Variants in SUPT3H observed in about 807,000 individuals in gnomAD.
SUPT3H encodes the protein transcription initiation protein SPT3 homolog.
Under a neutral mutation model 44.3 loss-of-function variants are expected in SUPT3H, and 44 were observed. The observed-to-expected ratio is 0.99, with a 90% CI of 0.78 to 1.28. SUPT3H has a LOEUF of 1.28. Ranked by LOEUF, SUPT3H falls within the 50% of genes most tolerant of loss-of-function variation. The probability of loss-of-function intolerance (pLI) is 0.00; values close to 1 mark genes in which losing one functional copy is unlikely to be tolerated. For missense variants in SUPT3H, 380 were observed against 387.1 expected, an observed-to-expected ratio of 0.98 and a Z score of 0.15; for synonymous variants, 124 against 125.6, an observed-to-expected ratio of 0.99 and a Z score of 0.09.
intron 2 of SUPT3H, among the ~76,000 whole-genome samples, chr6:45,272,307 G>A (rs982299294): frequency 6.6e-6 from 1 of 152,096 alleles, no homozygotes; most frequent in Non-Finnish European, 1.5e-5. Context: ...CACAGGTTGT[G>A]GGAGGGACAA....
At chr6:45,279,682 C>CAATTA (rs1777626515) in intron 2 of SUPT3H, among the ~76,000 whole-genome samples, 1 of 152,120 alleles carries the variant, frequency 6.6e-6, no homozygotes, top group Admixed American at 6.5e-5. Flanking sequence ...AACCATAAGC[C>CAATTA]AATTAAACCT....
intron 10 of SUPT3H, among the ~76,000 whole-genome samples, chr6:44,913,033 G>C (rs1175794918): frequency 6.6e-6 from 1 of 152,170 alleles, no homozygotes; most frequent in African/African-American, 2.4e-5. Context: ...CAGAAAAACT[G>C]ATTTCCCTGG....
At chr6:45,296,285 C>G (rs1781213301) in intron 2 of SUPT3H, among the ~76,000 whole-genome samples, 2 of 151,588 alleles carry the variant, frequency 1.3e-5, no homozygotes, top group Non-Finnish European at 1.5e-5. Flanking sequence ...AGACTAGAGA[C>G]TATTACTCTA....
chr6:45,128,567 C>T lies in SUPT3H; in HGVS notation c.102-22561G>A, dbSNP rs1450104795. On this transcript the variant is annotated intron_variant, in intron 2 of 10. Coordinates refer to ENST00000371459, the MANE Select transcript of SUPT3H (RefSeq NM_003599.4). ...ATATATATATATATATACACACACACACACACACACACACACATACACATA... is the reference window on the plus strand; with the variant it reads ...ATATATATATATATATACACACACATACACACACACACACACATACACATA... 2.9e-3 allele frequency among the ~76,000 whole-genome samples: 347 copies of T among 117,892 alleles called. 4 individuals carry two copies. The highest frequency in any genetic ancestry group is 0.014 in the East Asian group (55 of 3,832). 77.3% of individuals were successfully genotyped at this position (117,892 alleles called of 152,430 possible). A position where few individuals can be genotyped will look rare whatever the true frequency, so the allele number is the denominator to read the frequency against.
intron 2 of SUPT3H, among the ~76,000 whole-genome samples, chr6:45,326,799 T>A (rs904755230): frequency 1.3e-5 from 2 of 151,916 alleles, no homozygotes; most frequent in Non-Finnish European, 2.9e-5. Context: ...TCTAACACCC[T>A]CCTGTCTCCC....
chr6:45,023,821 G>A (rs930908856), intron 3 of SUPT3H, among the ~76,000 whole-genome samples: 9 of 152,080 alleles, frequency 5.9e-5, no homozygotes, highest in East Asian at 1.9e-4. Context: ...TAATTCCTGG[G>A]TGATGAAATA....
intron 10 of SUPT3H, among the ~76,000 whole-genome samples, chr6:44,910,622 T>C (rs1428414385): frequency 6.6e-6 from 1 of 152,124 alleles, no homozygotes; most frequent in African/African-American, 2.4e-5. Flanking sequence ...TGAATCTTCT[T>C]CATAATTAGG....
At chr6:45,343,573 C>A (rs1283779412) in intron 2 of SUPT3H, among the ~76,000 whole-genome samples, 1 of 150,120 alleles carries the variant, frequency 6.7e-6, no homozygotes, top group Non-Finnish European at 1.5e-5. Context: ...ATGTACATAA[C>A]TCTCTCTTGT....
chr6:45,254,958 A>C (rs1773087469), intron 2 of SUPT3H, among the ~76,000 whole-genome samples: 1 of 152,214 alleles, frequency 6.6e-6, no homozygotes, highest in Non-Finnish European at 1.5e-5. Flanking sequence ...CTACCCATTA[A>C]TCACTCAGCA....
At chr6:44,880,349 G>A (rs528732024) in intron 10 of SUPT3H, among the ~76,000 whole-genome samples, 67 of 152,146 alleles carry the variant, frequency 4.4e-4, no homozygotes, top group Non-Finnish European at 7.9e-4. Context: ...TCAACTTGAA[G>A]AAATAAAGTG....
intron 2 of SUPT3H, among the ~76,000 whole-genome samples, chr6:45,209,584 G>A (rs950147166): frequency 3.9e-5 from 6 of 152,214 alleles, no homozygotes; most frequent in Non-Finnish European, 2.9e-5. Flanking sequence ...GAAGCAATGA[G>A]GAGTTGCTTC....
At chr6:45,243,579 C>T (rs920480019) in intron 2 of SUPT3H, among the ~76,000 whole-genome samples, 2 of 152,244 alleles carry the variant, frequency 1.3e-5, no homozygotes, top group South Asian at 4.2e-4. Context: ...ACTATATATT[C>T]TACAAACACT....
chr6:45,003,936 A>G, intron 5 of SUPT3H, 144 bp from the exon 6 acceptor site: 1 of 896,922 alleles, frequency 1.1e-6, no homozygotes, highest in Non-Finnish European at 1.6e-6. Flanking sequence ...CTTGCATTCA[A>G]AATAAAAGTA....
intron 9 of SUPT3H, among the ~76,000 whole-genome samples, chr6:44,947,164 T>C (rs1343682754): frequency 6.6e-6 from 1 of 152,232 alleles, no homozygotes; most frequent in Non-Finnish European, 1.5e-5. Flanking sequence ...GACTACAGTA[T>C]AGCGTAAACA....
At chr6:45,353,445 A>G (rs1286763992) in intron 2 of SUPT3H, among the ~76,000 whole-genome samples, 1 of 152,072 alleles carries the variant, frequency 6.6e-6, no homozygotes, top group Non-Finnish European at 1.5e-5. Context: ...TGGCAAAGGA[A>G]TAGACTACTC....
chr6:45,273,010 AAGAAATGCTTTG>A, intron 2 of SUPT3H, among the ~76,000 whole-genome samples: 1 of 152,312 alleles, frequency 6.6e-6, no homozygotes, highest in East Asian at 1.9e-4. Flanking sequence ...CAATTCTTTG[AAGAAATGCTTTG>A]AGATCTTGAG....
At chr6:45,076,620 G>A (rs1795035787) in intron 3 of SUPT3H, among the ~76,000 whole-genome samples, 1 of 152,078 alleles carries the variant, frequency 6.6e-6, no homozygotes, top group Non-Finnish European at 1.5e-5. Context: ...TTGTAAAATA[G>A]TGATACAAGG....
intron 3 of SUPT3H, among the ~76,000 whole-genome samples, chr6:45,043,919 C>T (rs145156481): frequency 0.012 from 1,787 of 152,190 alleles, 29 homozygotes; most frequent in Admixed American, 0.052. Flanking sequence ...CCCCTTACTG[C>T]CTTTCTAAAA....
chr6:45,016,598 G>T (rs1367300516), intron 4 of SUPT3H, among the ~76,000 whole-genome samples: 9 of 148,370 alleles, frequency 6.1e-5, no homozygotes, highest in Non-Finnish European at 1.2e-4. Context: ...GCAGTGTTTG[G>T]TTTTTTGTCC....
Sources: gnomAD v4.1 joint callset for allele counts (sites outside exome capture counted in the v4.1 genomes callset) on GRCh38, gnomAD v4.1.1 for gene constraint, MANE v1.5 for transcripts, NCBI Gene and HGNC (gene_info 2026-07-23, HGNC 2026-07-21) for gene names.